The following SOX5 variants were observed in gnomAD, a reference collection of about 807,000 sequenced individuals.
SOX5 encodes SRY-box transcription factor 5.
A neutral mutation model predicts 92.0 loss-of-function variants in SOX5; 9 were observed. The observed-to-expected ratio is 0.10, with a 90% confidence interval of 0.06 to 0.17. SOX5 has a LOEUF of 0.17. Among genes scored for constraint, SOX5 ranks in the 10% least tolerant of loss-of-function variants. The pLI is 1.00. For missense variants in SOX5, 642 were observed against 944.5 expected, an observed-to-expected ratio of 0.68 and a Z score of 4.20; for synonymous variants, 344 against 336.3, an observed-to-expected ratio of 1.02 and a Z score of -0.25.
In SOX5 at chr12:24,156,511, T is replaced by C. The variant is rs115149814; in HGVS notation, c.-2+56832A>G. Among the ~76,000 whole-genome samples the C allele has an allele frequency of 1.9e-3, 293 of 152,288 alleles. 5 individuals are homozygous for C. Among genetic ancestry groups the C allele is most frequent in the African/African-American group, 6.5e-3 (272 of 41,578 alleles). The stretch of plus-strand genomic sequence containing the variant: ...TTGACATTTTCTGTTCCTGTATTCA[T>C]TCCTCCCTGATATCAGTTTCCAGAA... On this transcript the variant is annotated intron_variant, in intron 4 of 4. Transcript: ENST00000446891.
chr12:23,771,588 T>C (rs940523204), intron 3 of SOX5, among the ~76,000 whole-genome samples: 15 of 152,234 alleles, frequency 9.9e-5, no homozygotes, highest in African/African-American at 3.6e-4. Context: ...TTCAACCAAC[T>C]GTTTTATCCT....
intron 11 of SOX5, among the ~76,000 whole-genome samples, chr12:23,553,939 A>G (rs1247317639): frequency 6.6e-6 from 1 of 152,146 alleles, no homozygotes; most frequent in Non-Finnish European, 1.5e-5. Flanking sequence ...CTCAGTAGCC[A>G]GTAGTTACTT....
At chr12:23,962,010 G>T (rs1437131067) in intron 4 of SOX5, among the ~76,000 whole-genome samples, 1 of 152,200 alleles carries the variant, frequency 6.6e-6, no homozygotes, top group African/African-American at 2.4e-5. Context: ...GAAACTTTTG[G>T]TGGAAAAAGT....
intron 7 of SOX5, among the ~76,000 whole-genome samples, chr12:23,647,956 G>A (rs1489886812): frequency 2.0e-5 from 3 of 152,072 alleles, no homozygotes; most frequent in Admixed American, 6.5e-5. Context: ...CTTTGCATTC[G>A]CAACTTGTCT....
At chr12:23,914,616 C>T (rs1483696035) in intron 1 of SOX5, among the ~76,000 whole-genome samples, 1 of 151,972 alleles carries the variant, frequency 6.6e-6, no homozygotes, top group Non-Finnish European at 1.5e-5. Context: ...AGCAGTAAAG[C>T]AAAAGAGCTT....
intron 6 of SOX5, among the ~76,000 whole-genome samples, chr12:23,724,515 G>A (rs1484866917): frequency 6.6e-6 from 1 of 152,074 alleles, no homozygotes; most frequent in South Asian, 2.1e-4. Context: ...ACATTTCAAA[G>A]GTAGTATACT....
At chr12:23,585,120 A>T (rs181272634) in intron 9 of SOX5, among the ~76,000 whole-genome samples, 4 of 152,284 alleles carry the variant, frequency 2.6e-5, no homozygotes, top group Admixed American at 2.6e-4. Context: ...ATTTACGTTT[A>T]CGTACAATGC....
intron 1 of SOX5, among the ~76,000 whole-genome samples, chr12:24,416,284 A>C (rs1596426153): frequency 6.6e-6 from 1 of 152,222 alleles, no homozygotes; most frequent in East Asian, 1.9e-4. Context: ...AGGGTGACCA[A>C]ATGTCTCTCT....
At chr12:24,509,464 A>C (rs1335940050) in intron 1 of SOX5, among the ~76,000 whole-genome samples, 1 of 152,228 alleles carries the variant, frequency 6.6e-6, no homozygotes, top group Non-Finnish European at 1.5e-5. Flanking sequence ...AACCAAAGTG[A>C]CAGATGAAGA....
chr12:24,527,077 C>T (rs964216604), intron 1 of SOX5, among the ~76,000 whole-genome samples: 9 of 152,190 alleles, frequency 5.9e-5, no homozygotes, highest in Non-Finnish European at 1.3e-4. Flanking sequence ...CAGGCATGAG[C>T]CACCACGCCC....
chr12:23,893,328 C>T (rs1249249416), intron 2 of SOX5, among the ~76,000 whole-genome samples: 2 of 152,022 alleles, frequency 1.3e-5, no homozygotes, highest in African/African-American at 4.8e-5. Flanking sequence ...GGCCTGTAAT[C>T]CCAGCTACTT....
At chr12:23,979,707 G>GTT (rs1177945407) in intron 4 of SOX5, among the ~76,000 whole-genome samples, 13 of 77,494 alleles carry the variant, frequency 1.7e-4, no homozygotes, top group South Asian at 4.4e-4. Context: ...TGTTTTTTTT[G>GTT]TTTTTTTTTT....
upstream of SOX5, among the ~76,000 whole-genome samples, chr12:23,954,808 T>C (rs1312323425): frequency 3.3e-5 from 5 of 152,104 alleles, no homozygotes; most frequent in Admixed American, 2.0e-4. Flanking sequence ...ACAGTGTTCT[T>C]CAGAAACACC....
chr12:23,885,861 A>C (rs961740590), intron 2 of SOX5, among the ~76,000 whole-genome samples: 8 of 145,214 alleles, frequency 5.5e-5, no homozygotes, highest in East Asian at 2.2e-4. Flanking sequence ...GCTTTCCAAA[A>C]CAAGAAATAG....
At chr12:23,831,650 C>T (rs1267135301) in intron 3 of SOX5, among the ~76,000 whole-genome samples, 2 of 151,950 alleles carry the variant, frequency 1.3e-5, no homozygotes, top group Non-Finnish European at 2.9e-5. Context: ...CAATGAACTG[C>T]TTCATGTAAA....
chr12:24,151,071 C>A (rs1307345987), intron 4 of SOX5, among the ~76,000 whole-genome samples: 1 of 151,856 alleles, frequency 6.6e-6, no homozygotes, highest in African/African-American at 2.4e-5. Context: ...AAACACTGAG[C>A]AAGATCACAG....
intron 3 of SOX5, among the ~76,000 whole-genome samples, chr12:23,823,735 G>T (rs996428247): frequency 1.3e-5 from 2 of 152,226 alleles, no homozygotes; most frequent in Non-Finnish European, 2.9e-5. Context: ...TATTCTCCCC[G>T]CCACTTTCAG....
chr12:23,577,195 T>A (rs58838154), intron 9 of SOX5, among the ~76,000 whole-genome samples: 26,468 of 76,138 alleles, frequency 0.35, 3,930 homozygotes, highest in Middle Eastern at 0.47. Flanking sequence ...ATATATATTT[T>A]TTTTTTTTTT....
chr12:24,533,190 T>C (rs1304240371), intron 1 of SOX5, among the ~76,000 whole-genome samples: 1 of 152,196 alleles, frequency 6.6e-6, no homozygotes, highest in Non-Finnish European at 1.5e-5. Flanking sequence ...GAATATGATA[T>C]TCTGTTGGAA....
Sources: gnomAD v4.1 joint callset for allele counts (sites outside exome capture counted in the v4.1 genomes callset) on GRCh38, gnomAD v4.1.1 for gene constraint, MANE v1.5 for transcripts, NCBI Gene and HGNC (gene_info 2026-07-23, HGNC 2026-07-21) for gene names.